Variants in DENND4C observed in about 807,000 individuals in gnomAD.
The protein encoded by DENND4C is DENN domain-containing protein 4C.
In DENND4C, 108 loss-of-function variants were observed where a neutral mutation model predicts 203.0. The ratio of observed to expected loss-of-function variants is 0.53; its 90% confidence interval spans 0.46 to 0.62. The LOEUF (loss-of-function observed/expected upper bound fraction) is 0.62. DENND4C is among the 20% of genes least tolerant of loss of function. DENND4C has a pLI of 0.00. For missense variants in DENND4C, 2,481 were observed against 2,301.2 expected, an observed-to-expected ratio of 1.08 and a Z score of -1.60; for synonymous variants, 871 against 792.4, an observed-to-expected ratio of 1.10 and a Z score of -1.67.
rs781183320 is a variant in DENND4C at position 19,305,558 on chromosome 9, T to G, written c.1487+31T>G. On this transcript the variant is annotated intron_variant, in intron 10 of 32. Coordinates refer to ENST00000434457, the MANE Select transcript of DENND4C (RefSeq NM_001330640.2). ...TTGATTCATTTTATATTATCTCCCA[T>G]TTATATTTTTCACTATGTAGAGTTA... 6.3e-6 allele frequency: 10 copies of G among 1,580,528 alleles called. No individual in the cohort carries two copies. The African/African-American group carries it at 1.3e-4, about 21-fold the overall frequency.
intron 31 of DENND4C, chr9:19,371,535 G>A: frequency 3.3e-6 from 1 of 306,104 alleles, no homozygotes; most frequent in Non-Finnish European, 6.0e-6. Flanking sequence ...CCTGCAGGAA[G>A]TTACAAAAAT....
At chr9:19,301,631 C>G (rs950517401) in intron 9 of DENND4C, among the ~76,000 whole-genome samples, 1 of 152,094 alleles carries the variant, frequency 6.6e-6, no homozygotes, top group African/African-American at 2.4e-5. Flanking sequence ...AATGAACTGA[C>G]CAGTTCTAGA....
At chr9:19,352,369 CTGT>C in intron 25 of DENND4C, 118 bp from the exon 26 acceptor site, 1 of 1,106,936 alleles carries the variant, frequency 9.0e-7, no homozygotes, top group Non-Finnish European at 1.3e-6. Flanking sequence ...AATAAAAGAA[CTGT>C]TATTAATAAT....
intron 9 of DENND4C, among the ~76,000 whole-genome samples, chr9:19,303,565 G>A (rs1588879310): frequency 6.6e-6 from 1 of 152,172 alleles, no homozygotes; most frequent in Admixed American, 6.5e-5. Context: ...AACCTCATGA[G>A]GAGAGTGATC....
chr9:19,308,957 GA>G (rs1323184083), intron 10 of DENND4C, among the ~76,000 whole-genome samples: 2 of 152,094 alleles, frequency 1.3e-5, no homozygotes, highest in Admixed American at 1.3e-4. Flanking sequence ...AATGAACCTT[GA>G]AAACATTATG....
intron 1 of DENND4C, among the ~76,000 whole-genome samples, chr9:19,242,551 G>A (rs905295404): frequency 1.3e-5 from 2 of 152,034 alleles, no homozygotes; most frequent in Admixed American, 6.5e-5. Flanking sequence ...AGCAGTGAAT[G>A]TTAGAGTTCC....
intron 1 of DENND4C, among the ~76,000 whole-genome samples, chr9:19,272,393 C>T (rs1469898248): frequency 2.0e-5 from 3 of 151,770 alleles, no homozygotes; most frequent in South Asian, 4.2e-4. Flanking sequence ...GCACTCCCGC[C>T]TGGGCAACAA....
intron 1 of DENND4C, among the ~76,000 whole-genome samples, chr9:19,259,891 T>C (rs886611842): frequency 6.6e-6 from 1 of 152,228 alleles, no homozygotes; most frequent in Non-Finnish European, 1.5e-5. Flanking sequence ...CTTCCAAATC[T>C]TGGCTATTGT....
At chr9:19,302,958 C>T (rs1235227230) in intron 9 of DENND4C, among the ~76,000 whole-genome samples, 2 of 151,734 alleles carry the variant, frequency 1.3e-5, no homozygotes, top group East Asian at 3.9e-4. Flanking sequence ...TTCTTCTCTT[C>T]TGCTCTGAAC....
At chr9:19,328,665 ATC>A (rs1301859193) in intron 16 of DENND4C, among the ~76,000 whole-genome samples, 1 of 112,198 alleles carries the variant, frequency 8.9e-6, no homozygotes, top group Non-Finnish European at 1.9e-5. Flanking sequence ...CTGTCTATCT[ATC>A]TATCTATCTA....
intron 9 of DENND4C, among the ~76,000 whole-genome samples, chr9:19,301,610 A>C (rs542946767): frequency 6.6e-6 from 1 of 152,190 alleles, no homozygotes; most frequent in African/African-American, 2.4e-5. Context: ...TAGAATATGA[A>C]AATATTTGTT....
intron 1 of DENND4C, among the ~76,000 whole-genome samples, chr9:19,252,736 CACACAT>C (rs992877851): frequency 1.9e-4 from 22 of 114,984 alleles, no homozygotes; most frequent in South Asian, 6.3e-4. Flanking sequence ...CACACACACA[CACACAT>C]ACTTTTTTTT....
At chr9:19,351,793 C>T (rs1414539721) in intron 24 of DENND4C, among the ~76,000 whole-genome samples, 2 of 144,398 alleles carry the variant, frequency 1.4e-5, no homozygotes, top group East Asian at 2.0e-4. Flanking sequence ...GGCAACAGAG[C>T]GAGACTCCAT....
chr9:19,273,891 C>T (rs1832297765), intron 1 of DENND4C, among the ~76,000 whole-genome samples: 1 of 151,992 alleles, frequency 6.6e-6, no homozygotes, highest in African/African-American at 2.4e-5. Context: ...CCTAATCCAG[C>T]CATCCTGTTT....
At chr9:19,348,495 A>G (rs897712830) in intron 23 of DENND4C, among the ~76,000 whole-genome samples, 1 of 152,224 alleles carries the variant, frequency 6.6e-6, no homozygotes, top group Non-Finnish European at 1.5e-5. Flanking sequence ...TATCTGAAAG[A>G]ATAATGTGAA....
At chr9:19,284,871 C>T (rs1041581879) in intron 2 of DENND4C, among the ~76,000 whole-genome samples, 1 of 151,884 alleles carries the variant, frequency 6.6e-6, no homozygotes, top group Non-Finnish European at 1.5e-5. Flanking sequence ...TTATGGTGTT[C>T]GTTGTCATGT....
intron 1 of DENND4C, among the ~76,000 whole-genome samples, chr9:19,249,406 C>T (rs1210490853): frequency 1.3e-5 from 2 of 151,958 alleles, no homozygotes; most frequent in African/African-American, 2.4e-5. Flanking sequence ...GTGCCTGCCA[C>T]CATGCCCGGC....
Position 19,240,553 on chromosome 9 carries a change from C to G in DENND4C, c.-18+9720C>G, listed in dbSNP as rs150476152. Among the ~76,000 whole-genome samples the G allele has an allele frequency of 8.7e-3, 1,325 of 152,062 alleles. 24 individuals are homozygous for G. The highest frequency in any genetic ancestry group is 0.03 in the African/African-American group (1,247 of 41,470). On this transcript the variant is annotated intron_variant, in intron 1 of 32. Coordinates refer to ENST00000434457, the MANE Select transcript of DENND4C (RefSeq NM_001330640.2). ...TAGTGGTGTGTGCCTGTAGTCCCAGCTACTTGCGAGGCTGAGGCAGGAGAA... is the reference window on the plus strand; with the variant it reads ...TAGTGGTGTGTGCCTGTAGTCCCAGGTACTTGCGAGGCTGAGGCAGGAGAA...
At chr9:19,233,099 A>G (rs778351365) in intron 1 of DENND4C, among the ~76,000 whole-genome samples, 3 of 151,948 alleles carry the variant, frequency 2.0e-5, no homozygotes, top group Non-Finnish European at 4.4e-5. Context: ...CCTTAAGTAC[A>G]GGTTGTAAAG....
Sources: gnomAD v4.1 joint callset for allele counts (sites outside exome capture counted in the v4.1 genomes callset) on GRCh38, gnomAD v4.1.1 for gene constraint, MANE v1.5 for transcripts, NCBI Gene and HGNC (gene_info 2026-07-23, HGNC 2026-07-21) for gene names.